The following VSIG1 variants were observed in gnomAD, a reference collection of about 807,000 sequenced individuals.
The protein encoded by VSIG1 is V-set and immunoglobulin domain containing 1.
VSIG1 carries 11 observed loss-of-function variants against 20.1 expected under a neutral mutation model. The ratio of observed to expected loss-of-function variants is 0.55; its 90% CI spans 0.34 to 0.91. VSIG1 has a LOEUF of 0.91. VSIG1 is among the 40% of genes least tolerant of loss of function. VSIG1 has a pLI of 0.02. For synonymous variants in VSIG1, 126 were observed against 116.7 expected (o/e 1.08, Z -0.52); for missense variants, 283 against 298.8 (o/e 0.95, Z 0.39).
intron 1 of VSIG1, among the ~76,000 whole-genome samples, chrX:108,046,240 A>T (rs781562447): frequency 8.9e-6 from 1 of 112,403 alleles, no homozygotes; most frequent in South Asian, 3.7e-4. Context: ...AATGTTCATT[A>T]CTAAATGTTT....
intron 1 of VSIG1, 96 bp downstream of exon 1, chrX:108,045,275 G>C (rs1602561837): frequency 1.4e-6 from 1 of 693,458 alleles, no homozygotes; most frequent in African/African-American, 2.2e-5. Context: ...TTCATCTCCT[G>C]TACTTCAAAT....
chrX:108,049,320 C>T (rs2030735223), intron 1 of VSIG1, among the ~76,000 whole-genome samples: 1 of 112,135 alleles, frequency 8.9e-6, no homozygotes, highest in South Asian at 3.7e-4. Flanking sequence ...CCTTGATTTT[C>T]ATTCACCTCT....
At position 108,078,911 on chromosome X, in the gene VSIG1, A is replaced by G. The variant is rs1470887725; in HGVS notation, c.*1530A>G. Reference sequence around the variant, plus strand: ...AATAAAGCGATACCAATCTTATATGAATGCTAATATTACTAAAATGCACTG... The same window carrying G: ...AATAAAGCGATACCAATCTTATATGGATGCTAATATTACTAAAATGCACTG... On this transcript the variant is annotated 3_prime_UTR_variant, in exon 7 of 7. Coordinates refer to ENST00000217957, the MANE Select transcript of VSIG1 (RefSeq NM_182607.5). 1 of 111,187 alleles carries G rather than the reference A, an allele frequency of 9.0e-6. No individual in the cohort carries two copies. The highest frequency in any genetic ancestry group is 1.9e-5 in the Non-Finnish European group (1 of 52,987). 9.2% of individuals were successfully genotyped at this position (111,187 alleles called of 1,213,427 possible).
the VSIG1 span, among the ~76,000 whole-genome samples, chrX:108,025,180 G>A: frequency 5.4e-5 from 6 of 111,733 alleles, no homozygotes; most frequent in East Asian, 5.6e-4. Flanking sequence ...GAAAAATGTC[G>A]AATAATTCAA....
In VSIG1 at chrX:108,047,959, CACATATATAT is replaced by C. The variant is rs1328595289; in HGVS notation, c.49+2782_49+2791del. ...ACACATATATATATATATATACACACACATATATATATATATATATATATATATATATATA... is the reference window on the plus strand; with the variant it reads ...ACACATATATATATATATATACACACATATATATATATATATATATATATA... On this transcript the variant is annotated intron_variant, in intron 1 of 6. Coordinates refer to ENST00000217957, the MANE Select transcript of VSIG1 (RefSeq NM_182607.5). Among the ~76,000 whole-genome samples the C allele has an allele frequency of 7.0e-3, 104 of 14,803 alleles. 12 individuals carry two copies. The highest frequency in any genetic ancestry group is 0.048 in the Middle Eastern group (1 of 21). 12.9% of individuals were successfully genotyped at this position (14,803 alleles called of 115,157 possible).
At chrX:108,065,721 C>A (rs765431796) in intron 2 of VSIG1, among the ~76,000 whole-genome samples, 2 of 111,887 alleles carry the variant, frequency 1.8e-5, no homozygotes, top group Admixed American at 9.5e-5. Flanking sequence ...CTACCCTATG[C>A]AACAATATTC....
chrX:108,062,335 G>C (rs1325118414), intron 2 of VSIG1, among the ~76,000 whole-genome samples: 2 of 111,302 alleles, frequency 1.8e-5, no homozygotes, highest in Non-Finnish European at 3.8e-5. Flanking sequence ...TGGCTTCTCA[G>C]GTTTTACAAC....
Position 108,076,106 on chromosome X carries a change from T to G in VSIG1, c.718T>G (p.Leu240Val). Residue 240 changes from leucine to valine, a missense_variant, in exon 6 of 7, where the codon TTG becomes GTG. Coordinates refer to ENST00000217957, the MANE Select transcript of VSIG1 (RefSeq NM_182607.5). Reference protein sequence around the residue: ...HPEVGIIVGALIGSLVGAAII... With the variant: ...HPEVGIIVGAVIGSLVGAAII... The stretch of plus-strand genomic sequence containing the variant: ...AGAAGTTGGAATCATTGTTGGGGCC[T>G]TGATTGGTAGCCTGGTAGGTGCCGC... The G allele has an allele frequency of 8.3e-7, 1 of 1,211,623 alleles. No homozygotes were observed. The highest frequency in any genetic ancestry group is 1.1e-6 in the Non-Finnish European group (1 of 895,286).
chrX:108,019,416 G>A, the VSIG1 span, among the ~76,000 whole-genome samples: 3 of 112,537 alleles, frequency 2.7e-5, no homozygotes, highest in Admixed American at 9.3e-5. Context: ...GTATGCATGG[G>A]CAGGGTGAGC....
At chrX:108,053,474 A>G (rs1476721812) in intron 1 of VSIG1, among the ~76,000 whole-genome samples, 1 of 111,592 alleles carries the variant, frequency 9.0e-6, no homozygotes, top group Non-Finnish European at 1.9e-5. Context: ...AAAACTCTAC[A>G]AAGATATATA....
the VSIG1 span, among the ~76,000 whole-genome samples, chrX:108,025,911 T>C: frequency 1.8e-5 from 2 of 112,255 alleles, no homozygotes; most frequent in Non-Finnish European, 3.8e-5. Context: ...ATAAAGGAAG[T>C]TATACAAAGT....
At chrX:108,019,049 G>C in the VSIG1 span, among the ~76,000 whole-genome samples, 1 of 112,155 alleles carries the variant, frequency 8.9e-6, no homozygotes, top group African/African-American at 3.2e-5. Flanking sequence ...CCAGGCAGGT[G>C]AACAGGTTCT....
chrX:108,039,671 A>G, the VSIG1 span, among the ~76,000 whole-genome samples: 4 of 111,124 alleles, frequency 3.6e-5, no homozygotes, highest in African/African-American at 1.3e-4. Flanking sequence ...GGCTATAGCC[A>G]TGATCCGGGT....
At position 108,077,496 on chromosome X, in the gene VSIG1, C is replaced by A. The variant is rs983132898; in HGVS notation, c.*115C>A. 9 of 873,168 alleles carry A rather than the reference C, an allele frequency of 1.0e-5. No homozygotes were observed. The highest frequency in any genetic ancestry group is 2.0e-5 in the African/African-American group (1 of 49,527). The allele number at this position is 873,168 out of a possible 1,213,427, so 72.0% of individuals were successfully genotyped here. On this transcript the variant is annotated 3_prime_UTR_variant, in exon 7 of 7. Transcript: ENST00000217957. ...TCCATTTTGACCAACCTTCTTCTAA[C>A]AAGGTGCTCATTCCTACTATGAATC...
intron 1 of VSIG1, among the ~76,000 whole-genome samples, chrX:108,050,351 C>T (rs762276017): frequency 1.8e-5 from 2 of 111,618 alleles, no homozygotes; most frequent in South Asian, 7.6e-4. Context: ...TATCCTCATC[C>T]CTTCACCCTC....
At chrX:108,026,307 TG>T in the VSIG1 span, among the ~76,000 whole-genome samples, 1 of 111,754 alleles carries the variant, frequency 8.9e-6, no homozygotes, top group Non-Finnish European at 1.9e-5. Flanking sequence ...GTCTTTAATA[TG>T]CTGAACAAAT....
chrX:108,039,113 A>G, the VSIG1 span, among the ~76,000 whole-genome samples: 3 of 111,002 alleles, frequency 2.7e-5, no homozygotes, highest in Non-Finnish European at 5.7e-5. Context: ...CCCATCAACC[A>G]CCTAGAATGT....
the VSIG1 span, among the ~76,000 whole-genome samples, chrX:108,022,088 A>G: frequency 1.8e-5 from 2 of 112,017 alleles, no homozygotes; most frequent in Non-Finnish European, 3.8e-5. Flanking sequence ...TTCTCTAAAA[A>G]AGGCAGCTAG....
At chrX:108,052,629 A>ACAAAG (rs2030808954) in intron 1 of VSIG1, among the ~76,000 whole-genome samples, 1 of 111,375 alleles carries the variant, frequency 9.0e-6, no homozygotes, top group Non-Finnish European at 1.9e-5. Context: ...ACAAAACAAA[A>ACAAAG]CAGAACAAAA....
Sources: gnomAD v4.1 joint callset for allele counts (sites outside exome capture counted in the v4.1 genomes callset) on GRCh38, gnomAD v4.1.1 for gene constraint, MANE v1.5 for transcripts, NCBI Gene and HGNC (gene_info 2026-07-23, HGNC 2026-07-21) for gene names.